The following SPINK5 variants were observed in gnomAD, a reference collection of about 807,000 sequenced individuals.
SPINK5 encodes serine protease inhibitor Kazal-type 5.
In SPINK5, 125 loss-of-function variants were observed where a neutral mutation model predicts 151.8. The ratio of observed to expected loss-of-function variants is 0.82; its 90% CI spans 0.71 to 0.96. The LOEUF (loss-of-function observed/expected upper bound fraction) is 0.96. Among genes scored for constraint, SPINK5 ranks in the 40% least tolerant of loss-of-function variants. The pLI is 0.00. For missense variants in SPINK5, 1,194 were observed against 1,291.9 expected, an observed-to-expected ratio of 0.92 and a Z score of 1.16; for synonymous variants, 374 against 395.3, an observed-to-expected ratio of 0.95 and a Z score of 0.64.
intron 9 of SPINK5, among the ~76,000 whole-genome samples, chr5:148,095,505 C>T (rs1217032497): frequency 1.3e-5 from 2 of 151,804 alleles, no homozygotes; most frequent in African/African-American, 2.4e-5. Context: ...GAAGACTATT[C>T]GATACAAAAA....
In SPINK5 at chr5:148,118,980, C is replaced by T. The variant is rs190365795; in HGVS notation, c.2241-6C>T. Reference sequence around the variant, plus strand: ...CAAGATGAATATTCACTTTTTTCTCCTCCAGGGAAAGAGAAGCAGAGAGAA... The same window carrying T: ...CAAGATGAATATTCACTTTTTTCTCTTCCAGGGAAAGAGAAGCAGAGAGAA... On this transcript the variant is annotated splice_region_variant and splice_polypyrimidine_tract_variant and intron_variant, in intron 23 of 32. Coordinates refer to ENST00000256084, the MANE Select transcript of SPINK5 (RefSeq NM_006846.4). 7.3e-3 allele frequency: 11,816 copies of T among 1,613,660 alleles called. 98 individuals are homozygous for T. Among genetic ancestry groups the T allele is most frequent in the Non-Finnish European group, 7.1e-3 (8,332 of 1,179,724 alleles).
At chr5:148,135,576 A>G (rs1348188154) in intron 32 of SPINK5, among the ~76,000 whole-genome samples, 1 of 152,186 alleles carries the variant, frequency 6.6e-6, no homozygotes, top group African/African-American at 2.4e-5. Flanking sequence ...TTATGCTGTT[A>G]GTTAATGAAA....
intron 15 of SPINK5, among the ~76,000 whole-genome samples, chr5:148,102,737 A>G (rs1269059373): frequency 6.6e-6 from 1 of 152,114 alleles, no homozygotes; most frequent in Non-Finnish European, 1.5e-5. Flanking sequence ...TTTGTTCACT[A>G]TCTTTCTTCC....
intron 4 of SPINK5, among the ~76,000 whole-genome samples, chr5:148,072,936 C>G (rs1166439383): frequency 6.6e-6 from 1 of 151,008 alleles, no homozygotes. Context: ...CAAATTTATC[C>G]TACTATATAA....
chr5:148,104,447 C>T (rs1753727002), intron 15 of SPINK5, among the ~76,000 whole-genome samples: 1 of 152,172 alleles, frequency 6.6e-6, no homozygotes, highest in Admixed American at 6.5e-5. Flanking sequence ...GGGGCTTTCT[C>T]TTGCACACCA....
chr5:148,078,525 A>G (rs1266068452), intron 4 of SPINK5, among the ~76,000 whole-genome samples: 2 of 151,004 alleles, frequency 1.3e-5, no homozygotes, highest in African/African-American at 4.8e-5. Flanking sequence ...TTCAGGATAC[A>G]CTATATACTA....
intron 15 of SPINK5, among the ~76,000 whole-genome samples, chr5:148,104,355 C>T (rs184562018): frequency 6.6e-6 from 1 of 152,236 alleles, no homozygotes; most frequent in East Asian, 1.9e-4. Context: ...AGAGTAATCA[C>T]ACATGCAAAA....
At chr5:148,064,812 G>C (rs1289725149) in intron 1 of SPINK5, among the ~76,000 whole-genome samples, 2 of 152,108 alleles carry the variant, frequency 1.3e-5, no homozygotes, top group Non-Finnish European at 2.9e-5. Context: ...ATGTTAATGA[G>C]AGAGTATAAT....
At position 148,100,523 on chromosome 5, in the gene SPINK5, A is replaced by G. The variant is rs940443107; in HGVS notation, c.1162A>G (p.Ile388Val). Residue 388 changes from isoleucine (I) to valine (V), a missense_variant, in exon 13 of 33, where the codon ATC becomes GTC. By Grantham distance (29) the Ile-to-Val change is conservative. Transcript: ENST00000256084. ...TGCTTGCACCAGAGAGAACGATCCT[A>G]TCCAGGGCCCAGATGGGAAAGTGCA... is the stretch of plus-strand genomic sequence containing the variant. ...KLACTRENDP[I>V]QGPDGKVHGN... 1 of 1,613,326 alleles carries G rather than the reference A, an allele frequency of 6.2e-7. No homozygotes were observed. The highest frequency in any genetic ancestry group is 8.5e-7 in the Non-Finnish European group (1 of 1,179,466).
At position 148,133,963 on chromosome 5, in the gene SPINK5, G is replaced by A. The variant is rs77339846; in HGVS notation, c.3186+76G>A. 1.8e-3 allele frequency: 2,591 copies of A among 1,461,484 alleles called. 51 individuals carry two copies. The African/African-American group carries it at 0.032, about 18-fold the overall frequency. 90.5% of individuals were successfully genotyped at this position (1,461,484 alleles called of 1,614,324 possible). A position where few individuals can be genotyped will look rare whatever the true frequency, so the allele number is the denominator to read the frequency against. ...GGTTCTGGTTTTGTTCTCTTCCACTGAGTAATGGACATTTATCTGGCCAGA... is the reference window on the plus strand; with the variant it reads ...GGTTCTGGTTTTGTTCTCTTCCACTAAGTAATGGACATTTATCTGGCCAGA... On this transcript the variant is annotated intron_variant, in intron 32 of 32. Transcript: ENST00000256084.
At position 148,125,748 on chromosome 5, in the gene SPINK5, A is replaced by G. The variant is rs1050662109; in HGVS notation, c.2765A>G (p.Tyr922Cys). 1.7e-5 allele frequency: 27 copies of G among 1,614,192 alleles called. No individual in the cohort carries two copies. The highest frequency in any genetic ancestry group is 2.2e-5 in the Non-Finnish European group (26 of 1,180,024). The change falls in exon 29 of 33, where the codon TAT (tyrosine) becomes TGT (cysteine). Residue 922 changes from tyrosine (Y) to cysteine (C), a missense_variant. Transcript: ENST00000256084. ...GATGAGTGCAGTGAATTTCGAAACTATATAAGGAACAATGAACTCATCTGC... is the reference window on the plus strand; with the variant it reads ...GATGAGTGCAGTGAATTTCGAAACTGTATAAGGAACAATGAACTCATCTGC... ...AKDECSEFRN[Y>C]IRNNELICPR... is the part of the protein sequence containing the mutation.
intron 3 of SPINK5, 145 bp from the exon 4 acceptor site, chr5:148,072,003 G>A (rs1049375747): frequency 2.8e-6 from 2 of 709,204 alleles, no homozygotes; most frequent in Admixed American, 2.1e-5. Flanking sequence ...CTGGGGTTCT[G>A]TGTCCACTTC....
chr5:148,130,075 C>T (rs568316839), intron 30 of SPINK5, among the ~76,000 whole-genome samples: 1 of 152,014 alleles, frequency 6.6e-6, no homozygotes, highest in East Asian at 1.9e-4. Flanking sequence ...TCAATTTCTC[C>T]TCTTTATTAC....
chr5:148,121,593 T>C (rs945822901), intron 26 of SPINK5, among the ~76,000 whole-genome samples: 1 of 151,774 alleles, frequency 6.6e-6, no homozygotes, highest in African/African-American at 2.4e-5. Context: ...ATGATCCTTA[T>C]TTAAAAAATT....
At chr5:148,100,724 G>A (rs1041109830) in intron 13 of SPINK5, 143 bp downstream of exon 13, 37 of 941,514 alleles carry the variant, frequency 3.9e-5, no homozygotes, top group Admixed American at 8.4e-5. Context: ...TTGGAGACAT[G>A]TATTTGAAAA....
At chr5:148,106,384 C>T (rs183138480) in intron 16 of SPINK5, among the ~76,000 whole-genome samples, 2 of 152,100 alleles carry the variant, frequency 1.3e-5, no homozygotes, top group African/African-American at 4.8e-5. Context: ...TGTAGTGGTG[C>T]GATCAAAGCT....
intron 2 of SPINK5, among the ~76,000 whole-genome samples, chr5:148,066,660 A>T (rs1005649383): frequency 6.6e-6 from 1 of 152,146 alleles, no homozygotes; most frequent in Non-Finnish European, 1.5e-5. Flanking sequence ...TGGGAATCAG[A>T]GAGCATGCTC....
In SPINK5 at chr5:148,111,836, T is replaced by C; in HGVS notation, c.1761T>C (p.Pro587=). ...TCCCCTGTACCAGAGAGAATGATCC[T>C]ATTGAGGGTCTAGATGGGAAAATCC... is the stretch of plus-strand genomic sequence containing the variant. ...GRLPCTREND[P]IEGLDGKIHG... Residue 587 remains proline, a synonymous_variant, in exon 19 of 33, where the codon CCT becomes CCC. Coordinates refer to ENST00000256084, the MANE Select transcript of SPINK5 (RefSeq NM_006846.4). 1.2e-6 allele frequency: 2 copies of C among 1,614,062 alleles called. No homozygotes were observed. The highest frequency in any genetic ancestry group is 4.5e-5 in the East Asian group (2 of 44,876).
At chr5:148,084,484 C>T (rs1198982181) in intron 4 of SPINK5, among the ~76,000 whole-genome samples, 6 of 151,784 alleles carry the variant, frequency 4.0e-5, no homozygotes, top group South Asian at 2.1e-4. Flanking sequence ...TATATCCTTG[C>T]GCCTGTTTTC....
Sources: allele counts gnomAD v4.1 joint callset (sites outside exome capture counted in the v4.1 genomes callset), GRCh38; gene constraint gnomAD v4.1.1; transcripts MANE v1.5; gene names NCBI Gene and HGNC (gene_info 2026-07-23, HGNC 2026-07-21).